RIMS2: variants seen among roughly 807,000 people sequenced by gnomAD.
RIMS2 encodes the protein regulating synaptic membrane exocytosis 2.
RIMS2 carries 59 observed loss-of-function variants against 174.4 expected under a neutral mutation model. The observed-to-expected ratio is 0.34, with a 90% confidence interval of 0.27 to 0.42. RIMS2 has a LOEUF of 0.42. Among genes scored for constraint, RIMS2 ranks in the 10% least tolerant of loss-of-function variants. RIMS2 has a pLI of 1.00. For missense variants in RIMS2, 1,620 were observed against 1,666.3 expected (o/e 0.97, Z 0.48); for synonymous variants, 606 against 572.5 (o/e 1.06, Z -0.84).
chr8:104,054,960 A>T (rs1419882095), intron 19 of RIMS2, among the ~76,000 whole-genome samples: 1 of 151,832 alleles, frequency 6.6e-6, no homozygotes, highest in Non-Finnish European at 1.5e-5. Flanking sequence ...GCCTTATTTC[A>T]CTCCTCTCTC....
At chr8:104,067,804 C>G (rs571318810) in intron 19 of RIMS2, among the ~76,000 whole-genome samples, 1 of 152,146 alleles carries the variant, frequency 6.6e-6, no homozygotes, top group Non-Finnish European at 1.5e-5. Flanking sequence ...CAACTGATGT[C>G]TTTTAGGTAG....
intron 2 of RIMS2, among the ~76,000 whole-genome samples, chr8:103,711,555 C>G (rs2097303727): frequency 6.6e-6 from 1 of 151,982 alleles, no homozygotes; most frequent in Non-Finnish European, 1.5e-5. Context: ...AGACATTTGC[C>G]ATATATATTC....
chr8:104,142,359 C>T (rs762800228), intron 19 of RIMS2, among the ~76,000 whole-genome samples: 21 of 152,006 alleles, frequency 1.4e-4, no homozygotes, highest in Non-Finnish European at 2.8e-4. Context: ...AAACTTCTCA[C>T]CCCAGGTGGT....
chr8:103,543,559 G>C (rs1843510129), intron 1 of RIMS2, among the ~76,000 whole-genome samples: 1 of 152,078 alleles, frequency 6.6e-6, no homozygotes, highest in Non-Finnish European at 1.5e-5. Context: ...GCAGATTTGA[G>C]CAAAAAGAAC....
chr8:103,519,977 C>T (rs1231533124), intron 1 of RIMS2, among the ~76,000 whole-genome samples: 1 of 151,842 alleles, frequency 6.6e-6, no homozygotes, highest in Non-Finnish European at 1.5e-5. Flanking sequence ...TGCTTATTTT[C>T]CTTCTAATCC....
intron 19 of RIMS2, among the ~76,000 whole-genome samples, chr8:104,057,886 A>G (rs907813890): frequency 2.0e-5 from 3 of 151,620 alleles, no homozygotes; most frequent in Non-Finnish European, 4.4e-5. Flanking sequence ...TGTCCCTACA[A>G]AGGACATGAA....
intron 16 of RIMS2, among the ~76,000 whole-genome samples, chr8:103,986,575 T>G (rs922682607): frequency 6.6e-6 from 1 of 152,158 alleles, no homozygotes; most frequent in Admixed American, 6.5e-5. Flanking sequence ...ATTAAATTTG[T>G]TAATCTAGGT....
chr8:104,111,589 A>T (rs1340576137), intron 19 of RIMS2, among the ~76,000 whole-genome samples: 1 of 151,970 alleles, frequency 6.6e-6, no homozygotes, highest in Non-Finnish European at 1.5e-5. Context: ...TGTATTTTTA[A>T]TAGAGATGGG....
At chr8:103,978,271 A>G (rs2093615038) in intron 16 of RIMS2, among the ~76,000 whole-genome samples, 1 of 127,334 alleles carries the variant, frequency 7.9e-6, no homozygotes, top group African/African-American at 2.5e-5. Context: ...CTTTCATATG[A>G]TAGCCCATCA....
At chr8:103,514,253 G>T (rs1483768459) in intron 1 of RIMS2, among the ~76,000 whole-genome samples, 1 of 152,132 alleles carries the variant, frequency 6.6e-6, no homozygotes, top group African/African-American at 2.4e-5. Flanking sequence ...GTCAAACTAG[G>T]TCCTTCATGA....
intron 3 of RIMS2, among the ~76,000 whole-genome samples, chr8:103,793,280 C>T (rs966630449): frequency 2.6e-4 from 40 of 152,098 alleles, no homozygotes; most frequent in African/African-American, 4.6e-4. Context: ...GTTCAACATA[C>T]GCAAATCAGT....
intron 19 of RIMS2, among the ~76,000 whole-genome samples, chr8:104,073,671 T>C (rs1309866661): frequency 1.3e-5 from 2 of 152,206 alleles, no homozygotes; most frequent in Admixed American, 1.3e-4. Flanking sequence ...ATATAATAGA[T>C]TGGGTTAGAA....
At chr8:103,973,710 T>A (rs1040690273) in intron 15 of RIMS2, among the ~76,000 whole-genome samples, 3 of 152,188 alleles carry the variant, frequency 2.0e-5, no homozygotes, top group Non-Finnish European at 4.4e-5. Flanking sequence ...TTGGGATGAA[T>A]GAGCATTGTG....
intron 4 of RIMS2, among the ~76,000 whole-genome samples, chr8:103,887,405 T>C (rs1027871609): frequency 2.6e-5 from 4 of 151,698 alleles, no homozygotes; most frequent in African/African-American, 7.2e-5. Flanking sequence ...TTAATGTATC[T>C]AAACCTTTGT....
intron 3 of RIMS2, among the ~76,000 whole-genome samples, chr8:103,855,748 TTTA>T (rs1184666697): frequency 2.6e-5 from 4 of 152,166 alleles, no homozygotes; most frequent in African/African-American, 9.6e-5. Context: ...TTTTTTTGAA[TTTA>T]TTAAGACATG....
intron 3 of RIMS2, among the ~76,000 whole-genome samples, chr8:103,779,690 G>A (rs1014302346): frequency 1.4e-5 from 2 of 145,644 alleles, no homozygotes; most frequent in African/African-American, 2.6e-5. Context: ...ACTCATAGGT[G>A]GGAATTGAAC....
intron 19 of RIMS2, among the ~76,000 whole-genome samples, chr8:104,041,883 C>T (rs2096615367): frequency 6.6e-6 from 1 of 151,482 alleles, no homozygotes; most frequent in Non-Finnish European, 1.5e-5. Flanking sequence ...CTTATTCTGA[C>T]AATATATTCT....
Position 104,182,889 on chromosome 8 carries a change from T to C in RIMS2, c.3335-62027T>C, listed in dbSNP as rs957438327. Among the ~76,000 whole-genome samples, 6 of 151,728 alleles carry C rather than the reference T, an allele frequency of 4.0e-5. No individual in the cohort carries two copies. In the Admixed American group the frequency reaches 4.0e-4, roughly 10 times the overall value. ...TATATAATTTGTGTGAAAGTATTTG[T>C]GCACTGTTTACAAATATTGATGATT... On this transcript the variant is annotated intron_variant, in intron 19 of 23. Coordinates refer to ENST00000504942, the Ensembl canonical transcript of RIMS2.
intron 3 of RIMS2, among the ~76,000 whole-genome samples, chr8:103,843,546 ATATTCC>A (rs1417648550): frequency 1.3e-5 from 2 of 152,214 alleles, no homozygotes; most frequent in Non-Finnish European, 2.9e-5. Flanking sequence ...CTTTTTCCTC[ATATTCC>A]TCTTATCCCT....
Sources: gnomAD v4.1 joint callset for allele counts (sites outside exome capture counted in the v4.1 genomes callset) on GRCh38, gnomAD v4.1.1 for gene constraint, MANE v1.5 for transcripts, NCBI Gene and HGNC (gene_info 2026-07-23, HGNC 2026-07-21) for gene names.